The following SHANK2 variants were observed in gnomAD, a reference collection of about 807,000 sequenced individuals.
The protein encoded by SHANK2 is SH3 and multiple ankyrin repeat domains protein 2.
In SHANK2, 43 loss-of-function variants were observed where a neutral mutation model predicts 133.7. The observed-to-expected ratio is 0.32, with a 90% CI of 0.25 to 0.41. The LOEUF is 0.41. Among genes scored for constraint, SHANK2 ranks in the 10% least tolerant of loss-of-function variants. SHANK2 has a pLI of 1.00. For synonymous variants in SHANK2, 1,017 were observed against 952.8 expected (o/e 1.07, Z -1.24); for missense variants, 1,994 against 2,235.8 (o/e 0.89, Z 2.18).
chr11:70,779,092 G>A (rs1213802998), intron 14 of SHANK2, among the ~76,000 whole-genome samples: 1 of 152,074 alleles, frequency 6.6e-6, no homozygotes, highest in African/African-American at 2.4e-5. Flanking sequence ...GCCAGAGACT[G>A]GATCCTCCCA....
intron 10 of SHANK2, among the ~76,000 whole-genome samples, chr11:70,953,746 G>A (rs563462014): frequency 1.3e-5 from 2 of 152,262 alleles, no homozygotes; most frequent in Non-Finnish European, 1.5e-5. Flanking sequence ...CTTCTCTGGC[G>A]ACACCCTCAG....
At chr11:70,948,020 A>G (rs1335126529) in intron 10 of SHANK2, among the ~76,000 whole-genome samples, 3 of 148,244 alleles carry the variant, frequency 2.0e-5, no homozygotes, top group Non-Finnish European at 4.5e-5. Context: ...GCTGCTTCCC[A>G]CACACCCCAG....
chr11:70,753,034 A>G (rs1326580392), intron 14 of SHANK2, among the ~76,000 whole-genome samples: 1 of 151,848 alleles, frequency 6.6e-6, no homozygotes, highest in Non-Finnish European at 1.5e-5. Flanking sequence ...AATCGCTTGA[A>G]CCCAGGAGAT....
intron 17 of SHANK2, among the ~76,000 whole-genome samples, chr11:70,582,770 A>G (rs973023921): frequency 1.8e-4 from 27 of 152,170 alleles, no homozygotes; most frequent in Non-Finnish European, 2.9e-4. Context: ...GTGTTCTAGA[A>G]GCTGGCGGAG....
At position 70,831,924 on chromosome 11, in the gene SHANK2, T is replaced by A. The variant is rs551032615; in HGVS notation, c.1175-11242A>T. Among the ~76,000 whole-genome samples, 12 of 152,300 alleles carry A rather than the reference T, an allele frequency of 7.9e-5. No homozygotes were observed. In the East Asian group the frequency reaches 2.3e-3, roughly 30 times the overall value. On this transcript the variant is annotated intron_variant, in intron 11 of 25. Coordinates refer to ENST00000601538, the MANE Select transcript of SHANK2 (RefSeq NM_012309.5). ...CATGCCCCCTGCAGCCATGGGCCGG[T>A]TGGACACCCCCTGACCCTCAGTTTC...
chr11:71,129,683 G>GTCAC (rs1239920734), intron 3 of SHANK2, among the ~76,000 whole-genome samples: 54 of 151,922 alleles, frequency 3.6e-4, no homozygotes, highest in African/African-American at 1.3e-3. Flanking sequence ...GTGAGGGAAG[G>GTCAC]TCACTCACAC....
chr11:71,196,997 C>CAAAA (rs71467429), intron 2 of SHANK2, among the ~76,000 whole-genome samples: 47 of 81,878 alleles, frequency 5.7e-4, no homozygotes, highest in Admixed American at 8.4e-4. Context: ...GACTCTGTCT[C>CAAAA]AAAAAAAAAA....
At chr11:70,952,732 G>A (rs782447602) in intron 10 of SHANK2, 4 of 419,552 alleles carry the variant, frequency 9.5e-6, no homozygotes, top group African/African-American at 4.2e-5. Context: ...ATGGCAGGGC[G>A]GCCCTGGCTT....
chr11:70,531,533 A>G (rs1371648629), intron 17 of SHANK2, among the ~76,000 whole-genome samples: 1 of 152,220 alleles, frequency 6.6e-6, no homozygotes, highest in Non-Finnish European at 1.5e-5. Context: ...GCCTGGGATC[A>G]TGCCAGGGCA....
chr11:70,811,245 AGGGTCT>A (rs1555053147), intron 12 of SHANK2, among the ~76,000 whole-genome samples: 2 of 152,210 alleles, frequency 1.3e-5, no homozygotes, highest in African/African-American at 4.8e-5. Context: ...CAGGAGTCAC[AGGGTCT>A]GTTCACAACT....
intron 15 of SHANK2, chr11:70,668,830 T>C (rs1555015381): frequency 6.6e-6 from 1 of 152,098 alleles, no homozygotes; most frequent in East Asian, 1.9e-4. Context: ...TGAAGGGCCG[T>C]GATGAGGCGG....
chr11:70,524,699 G>A (rs2059374611), intron 17 of SHANK2, among the ~76,000 whole-genome samples: 1 of 152,222 alleles, frequency 6.6e-6, no homozygotes, highest in Admixed American at 6.5e-5. Flanking sequence ...TCATGAGCAG[G>A]AAGTAGCAAA....
At chr11:70,841,441 A>G (rs183533331) in intron 11 of SHANK2, among the ~76,000 whole-genome samples, 91 of 152,340 alleles carry the variant, frequency 6.0e-4, no homozygotes, top group African/African-American at 2.0e-3. Context: ...TCCAAGGTTC[A>G]GAGCAGGTCA....
rs571014643 is a variant in SHANK2 at position 70,758,936 on chromosome 11, G to A, written c.1777+39507C>T. On this transcript the variant is annotated intron_variant, in intron 14 of 25. Coordinates refer to ENST00000601538, the MANE Select transcript of SHANK2 (RefSeq NM_012309.5). ...AGCACTTTGGGAGGCTGAGGCAGGCGGATCACGAGGTCAAGAGATCAAGAC... is the reference window on the plus strand; with the variant it reads ...AGCACTTTGGGAGGCTGAGGCAGGCAGATCACGAGGTCAAGAGATCAAGAC... 4.8e-3 allele frequency among the ~76,000 whole-genome samples: 678 copies of A among 140,942 alleles called. 5 individuals are homozygous for A. The highest frequency in any genetic ancestry group is 0.017 in the African/African-American group (631 of 37,682). 92.5% of individuals were successfully genotyped at this position (140,942 alleles called of 152,430 possible).
intron 9 of SHANK2, among the ~76,000 whole-genome samples, chr11:71,074,601 A>T (rs1951193946): frequency 6.6e-6 from 1 of 152,172 alleles, no homozygotes; most frequent in African/African-American, 2.4e-5. Flanking sequence ...GGGCAGGCTG[A>T]TAAGAACAGA....
intron 10 of SHANK2, chr11:70,911,199 T>G (rs1555078956): frequency 2.2e-6 from 1 of 456,496 alleles, no homozygotes; most frequent in East Asian, 7.0e-5. Context: ...CAGAGTTGGA[T>G]GAGTTTTTTT....
At chr11:70,611,979 G>A (rs1396117940) in intron 17 of SHANK2, among the ~76,000 whole-genome samples, 7 of 149,206 alleles carry the variant, frequency 4.7e-5, no homozygotes, top group Non-Finnish European at 8.9e-5. Flanking sequence ...GGCGGGTGGC[G>A]AGGGGCGTGA....
chr11:70,705,322 A>C (rs757249456), intron 14 of SHANK2: 5 of 152,156 alleles, frequency 3.3e-5, no homozygotes, highest in Non-Finnish European at 5.9e-5. Context: ...ACTGATACAC[A>C]TCTCCATGGC....
rs1160703763 is a variant in SHANK2 at position 70,535,562 on chromosome 11, A to C, written c.2062-32631T>G. 6.6e-6 allele frequency among the ~76,000 whole-genome samples: 1 copy of C among 152,182 alleles called. No homozygotes were observed. The highest frequency in any genetic ancestry group is 2.4e-5 in the African/African-American group (1 of 41,434). On this transcript the variant is annotated intron_variant, in intron 17 of 25. Coordinates refer to ENST00000601538, the MANE Select transcript of SHANK2 (RefSeq NM_012309.5). This position sits in a 1 kb window ranked among gnomAD's most constrained non-coding sequence, Gnocchi z 4.3. Reference sequence around the variant, plus strand: ...AGTCTATTCATCTGTCTGTTCGTCCATCTCCCCGTCCTTCTGTCTGCTGGT... The same window carrying C: ...AGTCTATTCATCTGTCTGTTCGTCCCTCTCCCCGTCCTTCTGTCTGCTGGT...
Sources: gnomAD v4.1 joint callset for allele counts (sites outside exome capture counted in the v4.1 genomes callset) on GRCh38, gnomAD v4.1.1 for gene constraint, Gnocchi (gnomAD v3.1) non-coding constraint, MANE v1.5 for transcripts, NCBI Gene and HGNC (gene_info 2026-07-23, HGNC 2026-07-21) for gene names.